ANK3: variants seen among roughly 807,000 people sequenced by gnomAD.
ANK3 encodes ankyrin 3.
Under a neutral mutation model 370.9 loss-of-function variants are expected in ANK3, and 57 were observed. The observed-to-expected ratio is 0.15, with a 90% CI of 0.12 to 0.19. The LOEUF (loss-of-function observed/expected upper bound fraction) is 0.19. ANK3 is among the 10% of genes least tolerant of loss of function. The pLI is 1.00. For missense variants in ANK3, 4,439 were observed against 5,302.1 expected (o/e 0.84, Z 5.06); for synonymous variants, 1,929 against 1,946.3 (o/e 0.99, Z 0.23).
intron 1 of ANK3, among the ~76,000 whole-genome samples, chr10:60,651,406 G>A (rs2078787912): frequency 6.6e-6 from 1 of 152,098 alleles, no homozygotes; most frequent in African/African-American, 2.4e-5. Context: ...AACTAACAGA[G>A]CTCCTCACAT....
At chr10:60,698,920 T>TAATAAA (rs1252479085) in intron 1 of ANK3, among the ~76,000 whole-genome samples, 1 of 146,580 alleles carries the variant, frequency 6.8e-6, no homozygotes, top group African/African-American at 2.5e-5. Context: ...ATAATAATAA[T>TAATAAA]AAAGAAAAAT....
At chr10:60,720,307 C>A (rs1369155828) in intron 1 of ANK3, among the ~76,000 whole-genome samples, 1 of 152,068 alleles carries the variant, frequency 6.6e-6, no homozygotes, top group African/African-American at 2.4e-5. Context: ...TCTCAACAAC[C>A]CTATGAGATA....
At chr10:60,113,193 T>C (rs1565096725) in intron 26 of ANK3, among the ~76,000 whole-genome samples, 1 of 146,404 alleles carries the variant, frequency 6.8e-6, no homozygotes, top group Non-Finnish European at 1.5e-5. Flanking sequence ...CACTGGTATG[T>C]TTTTTTTTTA....
intron 2 of ANK3, among the ~76,000 whole-genome samples, chr10:60,438,999 C>T (rs578262639): frequency 1.3e-5 from 2 of 152,304 alleles, no homozygotes; most frequent in South Asian, 4.2e-4. Flanking sequence ...GATGTGGGAA[C>T]CCCTGGGATT....
rs747153709 is a variant in ANK3 at position 60,074,093 on chromosome 10, G to T, written c.6788C>A (p.Ala2263Glu). 1.9e-6 allele frequency: 3 copies of T among 1,614,082 alleles called. No individual in the cohort carries two copies. In the South Asian group the frequency reaches 3.3e-5, roughly 18 times the overall value. The change falls in exon 37 of 44, where the codon GCA (alanine) becomes GAA (glutamate). Residue 2263 changes from alanine (A) to glutamate (E), a missense_variant. Ala to Glu is a moderately radical substitution (Grantham distance 107, BLOSUM62 -1). This residue lies in a region of ANK3 where 1,601 missense variants were observed against 1,731.7 expected (regional missense o/e 0.92). Coordinates refer to ENST00000280772, the MANE Select transcript of ANK3 (RefSeq NM_020987.5). ...VYHSPPGGEG[A>E]SERIEETMSV... Reference sequence around the variant, plus strand: ...CATGGTTTCTTCAATTCTTTCAGATGCACCTTCACCGCCTGGTGGAGAATG... The same window carrying T: ...CATGGTTTCTTCAATTCTTTCAGATTCACCTTCACCGCCTGGTGGAGAATG...
At chr10:60,386,773 G>A (rs1056955064) in intron 1 of ANK3, among the ~76,000 whole-genome samples, 5 of 152,102 alleles carry the variant, frequency 3.3e-5, no homozygotes, top group Non-Finnish European at 7.4e-5. Flanking sequence ...TGAACTGCAG[G>A]AGTGTCATGG....
chr10:60,471,269 A>G (rs1172191861), intron 2 of ANK3, among the ~76,000 whole-genome samples: 1 of 152,222 alleles, frequency 6.6e-6, no homozygotes, highest in African/African-American at 2.4e-5. Context: ...GCATAGTCCC[A>G]GAAAACAAAC....
intron 2 of ANK3, among the ~76,000 whole-genome samples, chr10:60,406,704 AT>A (rs2063463965): frequency 6.6e-6 from 1 of 152,238 alleles, no homozygotes; most frequent in South Asian, 2.1e-4. Flanking sequence ...AAGATTATCA[AT>A]AAAAGGACTG....
At chr10:60,489,600 C>T (rs1219015640) in intron 2 of ANK3, among the ~76,000 whole-genome samples, 2 of 152,102 alleles carry the variant, frequency 1.3e-5, no homozygotes, top group Non-Finnish European at 2.9e-5. Context: ...TATTACTATA[C>T]ATAGTTCAAA....
At chr10:60,568,556 T>A (rs1467239849) in intron 2 of ANK3, among the ~76,000 whole-genome samples, 1 of 152,230 alleles carries the variant, frequency 6.6e-6, no homozygotes, top group Non-Finnish European at 1.5e-5. Flanking sequence ...CTGTGAGGTA[T>A]GCCTGTAGCT....
intron 1 of ANK3, among the ~76,000 whole-genome samples, chr10:60,692,171 C>A (rs2079364063): frequency 1.3e-5 from 2 of 152,312 alleles, no homozygotes; most frequent in Middle Eastern, 3.4e-3. Context: ...AACCATGTAT[C>A]ATCTTGCATA....
At chr10:60,429,433 A>T (rs566060197) in intron 2 of ANK3, among the ~76,000 whole-genome samples, 1 of 152,312 alleles carries the variant, frequency 6.6e-6, no homozygotes, top group East Asian at 1.9e-4. Context: ...AGGTACTCTT[A>T]CCCCAAATAG....
intron 2 of ANK3, among the ~76,000 whole-genome samples, chr10:60,547,385 C>T (rs563564320): frequency 1.3e-5 from 2 of 152,008 alleles, no homozygotes; most frequent in East Asian, 3.9e-4. Flanking sequence ...GCCATCGCTC[C>T]CGGTCCTTTT....
At chr10:60,336,393 T>G (rs1223280031) in intron 1 of ANK3, among the ~76,000 whole-genome samples, 1 of 152,196 alleles carries the variant, frequency 6.6e-6, no homozygotes, top group African/African-American at 2.4e-5. Flanking sequence ...TAGCAACTGA[T>G]AGCTCACAAT....
chr10:60,414,692 A>G (rs545024769), intron 2 of ANK3, among the ~76,000 whole-genome samples: 12 of 152,242 alleles, frequency 7.9e-5, no homozygotes, highest in African/African-American at 2.6e-4. Context: ...GCTGGCAAAA[A>G]TCTTACTTTA....
intron 7 of ANK3, among the ~76,000 whole-genome samples, chr10:60,256,719 A>G (rs2097742896): frequency 6.6e-6 from 1 of 152,166 alleles, no homozygotes; most frequent in South Asian, 2.1e-4. Flanking sequence ...GAGAATACGT[A>G]GTACTTGGTT....
intron 2 of ANK3, among the ~76,000 whole-genome samples, chr10:60,463,326 T>C (rs1350137984): frequency 3.3e-5 from 5 of 152,174 alleles, no homozygotes; most frequent in Non-Finnish European, 5.9e-5. Flanking sequence ...GATCTTGTTA[T>C]GGTATTTTTG....
At chr10:60,407,832 C>A (rs549046534) in intron 2 of ANK3, among the ~76,000 whole-genome samples, 1 of 152,294 alleles carries the variant, frequency 6.6e-6, no homozygotes, top group African/African-American at 2.4e-5. Flanking sequence ...ATTTCTGCCC[C>A]TTTGAAGCAA....
intron 1 of ANK3, among the ~76,000 whole-genome samples, chr10:60,301,601 C>T (rs565779183): frequency 7.2e-5 from 11 of 151,808 alleles, no homozygotes; most frequent in South Asian, 4.2e-4. Flanking sequence ...TTAGTAAGGA[C>T]GGGGTTTCAC....
Sources: gnomAD v4.1 joint callset for allele counts (sites outside exome capture counted in the v4.1 genomes callset) on GRCh38, gnomAD v4.1.1 for gene constraint, gnomAD v4.1.1 regional missense constraint, MANE v1.5 for transcripts, NCBI Gene and HGNC (gene_info 2026-07-23, HGNC 2026-07-21) for gene names.